CYP4F2: variants seen among roughly 807,000 people sequenced by gnomAD.
CYP4F2 encodes the protein cytochrome P450 family 4 subfamily F member 2.
Under a neutral mutation model 58.9 loss-of-function variants are expected in CYP4F2, and 58 were observed. The observed-to-expected ratio is 0.98, with a 90% CI of 0.80 to 1.23. The LOEUF is 1.23. CYP4F2 is among the 50% of genes most tolerant of loss of function. The pLI is 0.00. For synonymous variants in CYP4F2, 287 were observed against 261.1 expected (o/e 1.10, Z -0.95); for missense variants, 616 against 685.6 (o/e 0.90, Z 1.13).
intron 7 of CYP4F2, among the ~76,000 whole-genome samples, chr19:15,888,496 A>G (rs899155588): frequency 8.5e-5 from 13 of 152,194 alleles, no homozygotes; most frequent in African/African-American, 3.1e-4. Flanking sequence ...ACACACAAAT[A>G]CAAATACACA....
intron 2 of CYP4F2, among the ~76,000 whole-genome samples, chr19:15,896,587 A>C (rs2089449948): frequency 6.6e-6 from 1 of 152,178 alleles, no homozygotes; most frequent in African/African-American, 2.4e-5. Flanking sequence ...AGTTCCTCCC[A>C]TGGAGAAGGT....
In CYP4F2 at chr19:15,879,888, C is replaced by T. The variant is rs141338395; in HGVS notation, c.1125G>A (p.Leu375=). ...REPKEIEWDD[L]AHLPFLTMCM... Reference sequence around the variant, plus strand: ...ACATGGTCAGGAAGGGCAAATGGGCCAGGTCGTCCCTAAGGAAACACCCCA... The same window carrying T: ...ACATGGTCAGGAAGGGCAAATGGGCTAGGTCGTCCCTAAGGAAACACCCCA... Residue 375 remains leucine, a synonymous_variant, in exon 10 of 13, where the codon CTG becomes CTA. Coordinates refer to ENST00000221700, the MANE Select transcript of CYP4F2 (RefSeq NM_001082.5). 3.0e-4 allele frequency: 485 copies of T among 1,614,156 alleles called. 1 individual carries two copies. In the African/African-American group the frequency reaches 5.6e-3, roughly 18 times the overall value.
intron 5 of CYP4F2, among the ~76,000 whole-genome samples, chr19:15,891,377 A>G (rs1015419614): frequency 2.0e-5 from 3 of 152,136 alleles, no homozygotes; most frequent in African/African-American, 7.2e-5. Flanking sequence ...TGAGTAGTAA[A>G]CTATCCTTTG....
chr19:15,891,727 C>A (rs3093140), intron 5 of CYP4F2, among the ~76,000 whole-genome samples: 2,036 of 152,238 alleles, frequency 0.013, 56 homozygotes, highest in African/African-American at 0.047. Flanking sequence ...CATGGCGCGC[C>A]TTCTGGAAGG....
intron 3 of CYP4F2, among the ~76,000 whole-genome samples, chr19:15,894,216 A>G (rs1467478326): frequency 6.6e-6 from 1 of 152,208 alleles, no homozygotes; most frequent in African/African-American, 2.4e-5. Context: ...GCCTAAGACT[A>G]GGTCTGTCTG....
At position 15,879,898 on chromosome 19, in the gene CYP4F2, C is replaced by G. The variant is rs2089333591; in HGVS notation, c.1116-1G>C. 2 of 1,614,002 alleles carry G rather than the reference C, an allele frequency of 1.2e-6. No homozygotes were observed. Among genetic ancestry groups the G allele is most frequent in the African/African-American group, 2.7e-5 (2 of 74,912 alleles). ...GAAGGGCAAATGGGCCAGGTCGTCC[C>G]TAAGGAAACACCCCAGCCCCAATCC... On this transcript the variant is annotated splice_acceptor_variant, in intron 9 of 12. Transcript: ENST00000221700. LOFTEE classifies it high-confidence loss of function.
intron 9 of CYP4F2, among the ~76,000 whole-genome samples, chr19:15,883,984 G>A (rs572909658): frequency 4.6e-5 from 7 of 152,184 alleles, no homozygotes; most frequent in East Asian, 3.9e-4. Flanking sequence ...GCTTGAACCC[G>A]GGAGGCAGAG....
Position 15,897,436 on chromosome 19 carries a change from C to T in CYP4F2, c.176G>A (p.Trp59Ter), listed in dbSNP as rs753256315. 2 of 1,613,854 alleles carry T rather than the reference C, an allele frequency of 1.2e-6. No homozygotes were observed. Among genetic ancestry groups the T allele is most frequent in the Non-Finnish European group, 1.7e-6 (2 of 1,179,910 alleles). ...RCFPQPPRRN[W>*]FWGHQGMVNP... ...CACCATGCCCTGGTGTCCCCAAAAC[C>T]AGTTCCGTCTTGGGGGTTGTGGGAA... Residue 59 changes from tryptophan to a stop codon, truncating the protein, a stop_gained, in exon 2 of 13, where the codon TGG (tryptophan) becomes TAG (stop). Transcript: ENST00000221700. LOFTEE classifies it high-confidence loss of function.
chr19:15,893,372 A>G (rs2089428121), intron 3 of CYP4F2, among the ~76,000 whole-genome samples: 2 of 152,162 alleles, frequency 1.3e-5, no homozygotes, highest in African/African-American at 4.8e-5. Flanking sequence ...ACCTGAGACA[A>G]GAACCAAACA....
chr19:15,888,361 C>A (rs1370757932), intron 7 of CYP4F2, among the ~76,000 whole-genome samples: 3 of 151,660 alleles, frequency 2.0e-5, no homozygotes, highest in Non-Finnish European at 2.9e-5. Context: ...CACAGACACA[C>A]ACGCACATAG....
At chr19:15,886,477 C>CCTCA in intron 7 of CYP4F2, 169 bp from the exon 8 acceptor site, 1 of 803,390 alleles carries the variant, frequency 1.2e-6, no homozygotes. Context: ...TGGCCAGAGC[C>CCTCA]CTCACCTCAT....
intron 9 of CYP4F2, among the ~76,000 whole-genome samples, chr19:15,881,373 G>A (rs959168606): frequency 3.9e-5 from 6 of 151,952 alleles, no homozygotes; most frequent in Non-Finnish European, 7.4e-5. Flanking sequence ...CATAAAAAGG[G>A]CAAAAAGTAT....
At chr19:15,885,084 G>T (rs1219194545) in intron 9 of CYP4F2, among the ~76,000 whole-genome samples, 1 of 149,998 alleles carries the variant, frequency 6.7e-6, no homozygotes, top group Admixed American at 6.7e-5. Flanking sequence ...TCCTGACCCT[G>T]CTCTCTCTCT....
chr19:15,897,335 ACCCCC>A, intron 2 of CYP4F2, 74 bp downstream of exon 2: 1 of 1,245,370 alleles, frequency 8.0e-7, no homozygotes, highest in Non-Finnish European at 1.1e-6. Flanking sequence ...CCACCCCTTC[ACCCCC>A]ACTCCCTAAG....
chr19:15,884,866 G>A (rs1307333620), intron 9 of CYP4F2, among the ~76,000 whole-genome samples: 1 of 151,944 alleles, frequency 6.6e-6, no homozygotes, highest in Non-Finnish European at 1.5e-5. Context: ...CTCCACACTA[G>A]CCCTAGAAAG....
chr19:15,894,350 T>C (rs3093126), intron 3 of CYP4F2, among the ~76,000 whole-genome samples: 3,350 of 152,244 alleles, frequency 0.022, 107 homozygotes, highest in African/African-American at 0.075. Context: ...AAATTGGTCC[T>C]GTGATCCAGG....
Position 15,892,555 on chromosome 19 carries a change from A to G in CYP4F2, c.371T>C (p.Phe124Ser). ...CAGCCAGGGCTCCAGGAAGCTGTAG[A>G]AGAACTTGTCCTTTGGTGCAATGGC... The part of the protein sequence containing the change: ...SAAIAPKDKF[F>S]YSFLEPWLGD... Residue 124 changes from phenylalanine (F) to serine (S), a missense_variant, in exon 4 of 13, where the codon TTC (phenylalanine) becomes TCC (serine). By Grantham distance (155) the Phe-to-Ser change is radical (BLOSUM62 -2). Coordinates refer to ENST00000221700, the MANE Select transcript of CYP4F2 (RefSeq NM_001082.5). 2 of 1,614,114 alleles carry G rather than the reference A, an allele frequency of 1.2e-6. No homozygotes were observed. The highest frequency in any genetic ancestry group is 1.6e-4 in the Middle Eastern group (1 of 6,062).
intron 9 of CYP4F2, among the ~76,000 whole-genome samples, chr19:15,881,443 GATAATAA>G (rs1465574688): frequency 2.0e-5 from 3 of 152,018 alleles, no homozygotes; most frequent in Admixed American, 2.0e-4. Context: ...ATAGATGACA[GATAATAA>G]ATAAGAGATA....
chr19:15,881,188 T>C (rs1054971636), intron 9 of CYP4F2, among the ~76,000 whole-genome samples: 1 of 152,236 alleles, frequency 6.6e-6, no homozygotes, highest in Admixed American at 6.5e-5. Flanking sequence ...GGTAAATCAG[T>C]ACAGACACTG....
Sources: allele counts gnomAD v4.1 joint callset (sites outside exome capture counted in the v4.1 genomes callset), GRCh38; gene constraint gnomAD v4.1.1; transcripts MANE v1.5; gene names NCBI Gene and HGNC (gene_info 2026-07-23, HGNC 2026-07-21).